Variants in CFAP70 observed in about 807,000 individuals in gnomAD.
The protein encoded by CFAP70 is cilia- and flagella-associated protein 70.
CFAP70 carries 81 observed loss-of-function variants against 137.6 expected under a neutral mutation model. The ratio of observed to expected loss-of-function variants is 0.59; its 90% confidence interval spans 0.49 to 0.71. The LOEUF is 0.71. CFAP70 is among the 30% of genes least tolerant of loss of function. The pLI, the probability that CFAP70 is intolerant of heterozygous loss-of-function variation, is 0.00. For missense variants in CFAP70, 976 were observed against 1,226.7 expected, an observed-to-expected ratio of 0.80 and a Z score of 3.05; for synonymous variants, 382 against 423.6, an observed-to-expected ratio of 0.90 and a Z score of 1.20.
At chr10:73,323,355 C>T (rs577573120) in intron 8 of CFAP70, among the ~76,000 whole-genome samples, 4 of 150,516 alleles carry the variant, frequency 2.7e-5, no homozygotes, top group Admixed American at 1.3e-4. Flanking sequence ...CCAAGATGGC[C>T]GAATAGGAAC....
intron 11 of CFAP70, 107 bp downstream of exon 12, chr10:73,311,727 T>C (rs1202331459): frequency 2.2e-6 from 2 of 922,934 alleles, no homozygotes; most frequent in African/African-American, 1.7e-5. Flanking sequence ...TGGGCAAATA[T>C]GGAATGATAA....
At chr10:73,311,156 C>G (rs2049882422) in intron 11 of CFAP70, among the ~76,000 whole-genome samples, 1 of 152,166 alleles carries the variant, frequency 6.6e-6, no homozygotes, top group African/African-American at 2.4e-5. Context: ...CCTGATTCAG[C>G]CTCTTTCTTC....
chr10:73,278,296 C>A lies in CFAP70; in HGVS notation c.2281G>T (p.Glu761Ter). 1 of 1,613,940 alleles carries A rather than the reference C, an allele frequency of 6.2e-7. No individual in the cohort carries two copies. The highest frequency in any genetic ancestry group is 1.1e-5 in the South Asian group (1 of 91,076). Residue 761 changes from glutamate to a stop codon, truncating the protein, a stop_gained, in exon 20 of 27, where the codon GAA becomes TAA. Transcript: ENST00000310715. LOFTEE classifies it high-confidence loss of function. The stretch of plus-strand genomic sequence containing the variant: ...GAATCAGACTGCAGTTTGGAGGATT[C>A]TTCAAGAAATTTGTCTAGAATAGAT...
At chr10:73,351,070 T>TATATAC (rs2054204265) in intron 3 of CFAP70, among the ~76,000 whole-genome samples, 1 of 30,320 alleles carries the variant, frequency 3.3e-5, no homozygotes, top group Non-Finnish European at 5.1e-5. Flanking sequence ...TGTGTGTGTG[T>TATATAC]GTATATATAT....
chr10:73,323,178 G>A (rs2051033675), intron 8 of CFAP70, 81 bp from the exon 10 acceptor site: 2 of 1,349,644 alleles, frequency 1.5e-6, no homozygotes, highest in African/African-American at 2.9e-5. Flanking sequence ...GCAGTTCAAA[G>A]GCCTGGTTTT....
intron 2 of CFAP70, among the ~76,000 whole-genome samples, chr10:73,354,280 A>T (rs2054502833): frequency 6.6e-6 from 1 of 152,256 alleles, no homozygotes; most frequent in Non-Finnish European, 1.5e-5. Context: ...ATTTTAAAAC[A>T]AAGTGGAGCT....
At chr10:73,337,336 C>G (rs956580705) in intron 6 of CFAP70, among the ~76,000 whole-genome samples, 1 of 151,330 alleles carries the variant, frequency 6.6e-6, no homozygotes, top group Non-Finnish European at 1.5e-5. Context: ...ATACAGAAAC[C>G]AGCAGGGCAT....
intron 11 of CFAP70, among the ~76,000 whole-genome samples, chr10:73,310,497 A>C (rs754811290): frequency 5.3e-5 from 8 of 152,242 alleles, no homozygotes; most frequent in Non-Finnish European, 1.0e-4. Context: ...CAGTGTAACA[A>C]GGCTGAAGCC....
At chr10:73,361,265 A>C (rs1450690892), upstream of CFAP70, among the ~76,000 whole-genome samples, 2 of 145,876 alleles carry the variant, frequency 1.4e-5, no homozygotes, top group Non-Finnish European at 3.0e-5. Context: ...AAGTGCTGGG[A>C]TTACAGGCAT....
intron 19 of CFAP70, among the ~76,000 whole-genome samples, chr10:73,279,402 T>C (rs1003077482): frequency 6.6e-6 from 1 of 151,674 alleles, no homozygotes; most frequent in Admixed American, 6.6e-5. Context: ...CGGGCGCCTG[T>C]AGTCCCAGCT....
intron 19 of CFAP70, among the ~76,000 whole-genome samples, chr10:73,287,852 C>CATCTATCTATCT (rs72556802): frequency 0.011 from 1,536 of 145,932 alleles, 11 homozygotes; most frequent in East Asian, 0.013. Context: ...TGCATTTTAA[C>CATCTATCTATCT]ATCTATCTAT....
chr10:73,279,523 CAATAAATAAATA>C (rs35709122), intron 19 of CFAP70, among the ~76,000 whole-genome samples: 6,326 of 129,316 alleles, frequency 0.049, 447 homozygotes, highest in African/African-American at 0.16. Context: ...GACTCTGTCT[CAATAAATAAATA>C]AATAAATAAA....
intron 9 of CFAP70, among the ~76,000 whole-genome samples, chr10:73,321,944 C>T (rs778067641): frequency 5.9e-5 from 9 of 152,070 alleles, no homozygotes; most frequent in South Asian, 2.1e-4. Context: ...CCACCACACT[C>T]GGCAAATTTT....
chr10:73,325,058 A>G (rs1040709559), intron 8 of CFAP70, among the ~76,000 whole-genome samples: 6 of 152,236 alleles, frequency 3.9e-5, no homozygotes, highest in African/African-American at 1.4e-4. Flanking sequence ...GTTGAAATGA[A>G]GGAAAAAATG....
intron 7 of CFAP70, among the ~76,000 whole-genome samples, chr10:73,332,045 A>C (rs1404805395): frequency 6.6e-6 from 1 of 152,242 alleles, no homozygotes; most frequent in Non-Finnish European, 1.5e-5. Flanking sequence ...CCATCATAGA[A>C]TTGAGGTCAC....
At chr10:73,349,765 C>A (rs2054046646) in intron 3 of CFAP70, among the ~76,000 whole-genome samples, 1 of 152,118 alleles carries the variant, frequency 6.6e-6, no homozygotes, top group South Asian at 2.1e-4. Context: ...ATCCATATAA[C>A]CATAATCTAA....
chr10:73,359,664 A>G (rs757932175), upstream of CFAP70, among the ~76,000 whole-genome samples: 3 of 152,170 alleles, frequency 2.0e-5, no homozygotes, highest in Non-Finnish European at 4.4e-5. Flanking sequence ...CCATTTGACA[A>G]CTACTGAGGA....
At chr10:73,345,007 G>T in intron 5 of CFAP70, 58 bp downstream of exon 6, 1 of 1,394,938 alleles carries the variant, frequency 7.2e-7, no homozygotes, top group Non-Finnish European at 1.0e-6. Flanking sequence ...AGGAAGAGAT[G>T]GCCATATGAG....
intron 19 of CFAP70, among the ~76,000 whole-genome samples, chr10:73,284,749 T>C (rs1356080386): frequency 2.7e-4 from 2 of 7,280 alleles, no homozygotes; most frequent in Non-Finnish European, 2.6e-4. Context: ...CATATATATA[T>C]ATATATATAT....
Sources: allele counts gnomAD v4.1 joint callset (sites outside exome capture counted in the v4.1 genomes callset), GRCh38; gene constraint gnomAD v4.1.1; transcripts MANE v1.5; gene names NCBI Gene and HGNC (gene_info 2026-07-23, HGNC 2026-07-21).